DTNA: variants seen among roughly 807,000 people sequenced by gnomAD.
DTNA encodes dystrophin-related protein 3.
DTNA carries 43 observed loss-of-function variants against 100.7 expected under a neutral mutation model. That is an observed-to-expected ratio of 0.43 (90% confidence interval 0.33 to 0.55). DTNA has a LOEUF of 0.55. Ranked by LOEUF, DTNA falls within the 20% of genes least tolerant of loss-of-function variation. The probability of loss-of-function intolerance (pLI) is 0.04; values close to 1 mark genes in which losing one functional copy is unlikely to be tolerated. For missense variants in DTNA, 798 were observed against 953.9 expected (o/e 0.84, Z 2.15); for synonymous variants, 349 against 347.9 (o/e 1.00, Z -0.04).
intron 1 of DTNA, among the ~76,000 whole-genome samples, chr18:34,731,470 A>G (rs1371822076): frequency 1.3e-5 from 2 of 151,360 alleles, no homozygotes; most frequent in Non-Finnish European, 2.9e-5. Context: ...TGGGCGACAG[A>G]GCGAGACTCC....
chr18:34,694,784 G>T (rs1214940442), intron 1 of DTNA, among the ~76,000 whole-genome samples: 1 of 151,956 alleles, frequency 6.6e-6, no homozygotes, highest in African/African-American at 2.4e-5. Flanking sequence ...TTCTTCCCAG[G>T]GTAGTAGCAT....
chr18:34,745,853 C>T (rs1199444859), intron 1 of DTNA, among the ~76,000 whole-genome samples: 1 of 152,160 alleles, frequency 6.6e-6, no homozygotes, highest in Non-Finnish European at 1.5e-5. Flanking sequence ...TGTATATAGA[C>T]ATGAACATTT....
chr18:34,867,726 T>C (rs768708288), intron 17 of DTNA: 1 of 985,594 alleles, frequency 1.0e-6, no homozygotes, highest in Non-Finnish European at 1.2e-6. Context: ...CTTGAAAGGC[T>C]CCTATGGACC....
intron 4 of DTNA, among the ~76,000 whole-genome samples, chr18:34,800,842 C>T (rs2095180244): frequency 6.6e-6 from 1 of 152,164 alleles, no homozygotes; most frequent in South Asian, 2.1e-4. Flanking sequence ...CGATCAATAT[C>T]TATTTGTTGT....
chr18:34,647,244 A>C (rs1599553170), intron 1 of DTNA, among the ~76,000 whole-genome samples: 1 of 152,224 alleles, frequency 6.6e-6, no homozygotes, highest in Admixed American at 6.5e-5. Context: ...GATATGACAA[A>C]TCCTGAAATG....
At chr18:34,561,696 T>G (rs2146235444) in intron 1 of DTNA, among the ~76,000 whole-genome samples, 1 of 152,268 alleles carries the variant, frequency 6.6e-6, no homozygotes, top group South Asian at 2.1e-4. Context: ...AATAATCAAT[T>G]TTTATCGTAC....
intron 1 of DTNA, among the ~76,000 whole-genome samples, chr18:34,532,361 T>C (rs536023191): frequency 6.6e-6 from 1 of 152,202 alleles, no homozygotes; most frequent in Admixed American, 6.5e-5. Flanking sequence ...AATGTGCTGG[T>C]GCTTGGGCTC....
chr18:34,703,641 A>G (rs893963843), intron 1 of DTNA, among the ~76,000 whole-genome samples: 4 of 152,194 alleles, frequency 2.6e-5, no homozygotes, highest in African/African-American at 9.6e-5. Flanking sequence ...CTGAAATATC[A>G]GATGTACAGT....
chr18:34,889,268 A>G lies in DTNA; in HGVS notation c.*1534A>G. The stretch of plus-strand genomic sequence containing the variant: ...CTCAAAGTGTGTTCCCCGGACAAGC[A>G]GCATCTGCAACACTTAGGAAGGTCT... On this transcript the variant is annotated 3_prime_UTR_variant, in exon 23 of 23. Transcript: ENST00000444659. The G allele has an allele frequency of 2.0e-6, 2 of 984,926 alleles. No individual in the cohort carries two copies. Among genetic ancestry groups the G allele is most frequent in the Non-Finnish European group, 2.4e-6 (2 of 829,490 alleles). The allele number at this position is 984,926 out of a possible 1,614,324, so 61.0% of individuals were successfully genotyped here.
intron 1 of DTNA, among the ~76,000 whole-genome samples, chr18:34,623,971 A>G (rs1229064250): frequency 6.6e-6 from 1 of 152,218 alleles, no homozygotes; most frequent in Non-Finnish European, 1.5e-5. Context: ...CAAGTTCTTA[A>G]GTGGGGAAAA....
chr18:34,844,388 A>G (rs1458325355), intron 13 of DTNA, among the ~76,000 whole-genome samples: 1 of 151,990 alleles, frequency 6.6e-6, no homozygotes, highest in Non-Finnish European at 1.5e-5. Flanking sequence ...AGTACTGTAA[A>G]ACCATTTCTC....
intron 1 of DTNA, among the ~76,000 whole-genome samples, chr18:34,735,352 A>G (rs1270634532): frequency 6.6e-6 from 1 of 152,156 alleles, no homozygotes; most frequent in African/African-American, 2.4e-5. Flanking sequence ...TGCAGACACA[A>G]TCAGGATCAA....
chr18:34,766,109 T>C (rs2093453981), intron 3 of DTNA, 68 bp downstream of exon 3: 1 of 1,513,570 alleles, frequency 6.6e-7, no homozygotes, highest in Non-Finnish European at 9.1e-7. Context: ...GTACTAAGTT[T>C]ATTAAACTAG....
At chr18:34,551,260 T>C (rs2045381243) in intron 1 of DTNA, among the ~76,000 whole-genome samples, 1 of 152,110 alleles carries the variant, frequency 6.6e-6, no homozygotes, top group Non-Finnish European at 1.5e-5. Context: ...ATGAAGGCCT[T>C]TCTCTTCACC....
intron 1 of DTNA, among the ~76,000 whole-genome samples, chr18:34,704,038 TC>T (rs2081777143): frequency 1.3e-5 from 2 of 152,222 alleles, no homozygotes; most frequent in Non-Finnish European, 1.5e-5. Flanking sequence ...TCTACAGTCT[TC>T]CCTTAATTTT....
At chr18:34,532,770 A>ATATG (rs142935223) in intron 1 of DTNA, among the ~76,000 whole-genome samples, 2,090 of 149,928 alleles carry the variant, frequency 0.014, 46 homozygotes, top group African/African-American at 0.048. Flanking sequence ...ATATATATAT[A>ATATG]TGTGTGTGTG....
chr18:34,776,491 G>A (rs201041117), intron 3 of DTNA, among the ~76,000 whole-genome samples: 1 of 152,180 alleles, frequency 6.6e-6, no homozygotes, highest in South Asian at 2.1e-4. Flanking sequence ...ACAGGCACTT[G>A]CCACCACACC....
At chr18:34,564,996 G>A (rs2046962919) in intron 1 of DTNA, among the ~76,000 whole-genome samples, 1 of 152,146 alleles carries the variant, frequency 6.6e-6, no homozygotes, top group South Asian at 2.1e-4. Flanking sequence ...TAATTTGCAT[G>A]CACTCTACCT....
chr18:34,528,780 A>G (rs1203384859), intron 1 of DTNA, among the ~76,000 whole-genome samples: 1 of 152,124 alleles, frequency 6.6e-6, no homozygotes, highest in African/African-American at 2.4e-5. Flanking sequence ...CTTTTCCTAG[A>G]AAATAGATAA....
Sources: gnomAD v4.1 joint callset for allele counts (sites outside exome capture counted in the v4.1 genomes callset) on GRCh38, gnomAD v4.1.1 for gene constraint, MANE v1.5 for transcripts, NCBI Gene and HGNC (gene_info 2026-07-23, HGNC 2026-07-21) for gene names.